Variants in SWAP70 observed in about 807,000 individuals in gnomAD.
SWAP70 encodes the protein switch-associated protein 70.
A neutral mutation model predicts 80.2 loss-of-function variants in SWAP70; 34 were observed. The ratio of observed to expected loss-of-function variants is 0.42; its 90% confidence interval spans 0.32 to 0.56. The LOEUF is 0.56. Ranked by LOEUF, SWAP70 falls within the 20% of genes least tolerant of loss-of-function variation. SWAP70 has a pLI of 0.09. For missense variants in SWAP70, 578 were observed against 690.7 expected (o/e 0.84, Z 1.83); for synonymous variants, 239 against 238.5 (o/e 1.00, Z -0.02).
At chr11:9,703,457 A>G (rs1255137495) in intron 2 of SWAP70, 1 of 456,236 alleles carries the variant, frequency 2.2e-6, no homozygotes, top group Admixed American at 2.3e-5. Flanking sequence ...CTGTAAGGCC[A>G]ACTCCGCCCA....
At chr11:9,672,132 TATA>T (rs1321716836) in intron 1 of SWAP70, among the ~76,000 whole-genome samples, 1 of 130,998 alleles carries the variant, frequency 7.6e-6, no homozygotes, top group Non-Finnish European at 1.6e-5. Context: ...GTAATTTAAA[TATA>T]ATTTAAAATA....
intron 3 of SWAP70, among the ~76,000 whole-genome samples, chr11:9,717,117 G>A (rs933075747): frequency 1.3e-5 from 2 of 152,156 alleles, no homozygotes; most frequent in Non-Finnish European, 2.9e-5. Flanking sequence ...AGGCAGTTTC[G>A]CTGTAGTGGT....
intron 6 of SWAP70, 91 bp from the exon 7 acceptor site, chr11:9,732,438 C>G: frequency 3.1e-6 from 4 of 1,306,328 alleles, no homozygotes; most frequent in Non-Finnish European, 4.3e-6. Flanking sequence ...CTCCCTGTCT[C>G]ATTTTCTTCC....
At chr11:9,715,861 C>G (rs1164023732) in intron 3 of SWAP70, among the ~76,000 whole-genome samples, 1 of 152,218 alleles carries the variant, frequency 6.6e-6, no homozygotes, top group Non-Finnish European at 1.5e-5. Flanking sequence ...TTTCCTGGAA[C>G]TGTTCTTCCT....
At chr11:9,743,567 T>C (rs1851470817) in intron 9 of SWAP70, among the ~76,000 whole-genome samples, 1 of 151,506 alleles carries the variant, frequency 6.6e-6, no homozygotes, top group Admixed American at 6.6e-5. Flanking sequence ...ACCTGTTGTT[T>C]CCTGACTTTT....
chr11:9,710,728 G>GA lies in SWAP70; in HGVS notation c.241-2738_241-2737insA, dbSNP rs576397447. ...AGTGTCTTGCCCTGTCTCCAAGGCT[G>GA]GAGTGCAGTGGCATGATCATGGCTC... On this transcript the variant is annotated intron_variant, in intron 2 of 11. Coordinates refer to ENST00000318950, the MANE Select transcript of SWAP70 (RefSeq NM_015055.4). Among the ~76,000 whole-genome samples the GA allele has an allele frequency of 2.8e-3, 417 of 150,208 alleles. 1 individual carries two copies. Among genetic ancestry groups the GA allele is most frequent in the African/African-American group, 9.6e-3 (390 of 40,786 alleles).
At chr11:9,711,370 A>C (rs2572934) in intron 2 of SWAP70, among the ~76,000 whole-genome samples, 1 of 151,770 alleles carries the variant, frequency 6.6e-6, no homozygotes, top group Non-Finnish European at 1.5e-5. Context: ...CTGTGTCCCA[A>C]GTAATGGAAA....
rs780743937 is a variant in SWAP70 at position 9,713,512 on chromosome 11, C to A, written c.287C>A (p.Thr96Asn). 2 of 1,613,720 alleles carry A rather than the reference C, an allele frequency of 1.2e-6. No individual in the cohort carries two copies. The highest frequency in any genetic ancestry group is 2.7e-5 in the African/African-American group (2 of 74,868). ...ATTGAATTCAATAGGATGTGTTGGA[C>A]CCTCTGTGTCAAAAAAAACCTCACA... ...DKIEFNRMCW[T>N]LCVKKNLTKN... is the part of the protein sequence containing the mutation. Residue 96 changes from threonine to asparagine, a missense_variant, in exon 3 of 12, where the codon ACC (threonine) becomes AAC (asparagine). By Grantham distance (65) the Thr-to-Asn change is moderately conservative. Transcript: ENST00000318950.
chr11:9,677,649 G>C (rs2134429089), intron 1 of SWAP70, among the ~76,000 whole-genome samples: 1 of 152,278 alleles, frequency 6.6e-6, no homozygotes, highest in Admixed American at 6.5e-5. Flanking sequence ...TTACTTTGCA[G>C]TTATGGTTGC....
At chr11:9,698,986 T>C (rs1850796986) in intron 2 of SWAP70, among the ~76,000 whole-genome samples, 1 of 151,302 alleles carries the variant, frequency 6.6e-6, no homozygotes, top group African/African-American at 2.5e-5. Flanking sequence ...TATCATGTGG[T>C]ACATGATCAT....
chr11:9,709,066 C>G (rs1850960088), intron 2 of SWAP70, among the ~76,000 whole-genome samples: 1 of 152,002 alleles, frequency 6.6e-6, no homozygotes, highest in Admixed American at 6.6e-5. Flanking sequence ...CCACCATACC[C>G]TACTAATTAA....
At chr11:9,678,796 A>G (rs1850533021) in intron 1 of SWAP70, among the ~76,000 whole-genome samples, 1 of 151,938 alleles carries the variant, frequency 6.6e-6, no homozygotes, top group Admixed American at 6.6e-5. Context: ...ATAGAACCTT[A>G]GTCCCATCAG....
intron 1 of SWAP70, among the ~76,000 whole-genome samples, chr11:9,669,290 C>A (rs1239078821): frequency 6.6e-6 from 1 of 152,130 alleles, no homozygotes; most frequent in Non-Finnish European, 1.5e-5. Flanking sequence ...CTCTGTTGCC[C>A]AGGGTTGAGT....
chr11:9,700,303 A>G (rs1204930740), intron 2 of SWAP70, among the ~76,000 whole-genome samples: 1 of 152,130 alleles, frequency 6.6e-6, no homozygotes, highest in South Asian at 2.1e-4. Context: ...AGCCACCTGG[A>G]GTGGAATTTT....
chr11:9,744,462 G>A (rs1851485046), intron 9 of SWAP70, among the ~76,000 whole-genome samples: 1 of 152,120 alleles, frequency 6.6e-6, no homozygotes, highest in African/African-American at 2.4e-5. Context: ...CCACTATACT[G>A]TTTTAGTTAG....
In SWAP70 at chr11:9,740,277, CTG is replaced by C; in HGVS notation, c.1286_1287del (p.Leu429ProfsTer5). 3.1e-6 allele frequency: 5 copies of C among 1,614,212 alleles called. No homozygotes were observed. Among genetic ancestry groups the C allele is most frequent in the Non-Finnish European group, 4.2e-6 (5 of 1,180,026 alleles). On this transcript the variant is annotated frameshift_variant, in exon 9 of 12. Coordinates refer to ENST00000318950, the MANE Select transcript of SWAP70 (RefSeq NM_015055.4). LOFTEE classifies it high-confidence loss of function. Reference sequence around the variant, plus strand: ...GGAGCTGGAAGACATGTACCTAAAGCTGCAGGAGGCTCTTGAAGATGAGAGAC... The same window carrying C: ...GGAGCTGGAAGACATGTACCTAAAGCCAGGAGGCTCTTGAAGATGAGAGAC... The part of the protein sequence containing the change: ...VRELEDMYLK[L>X]QEALEDERQA...
At position 9,740,143 on chromosome 11, in the gene SWAP70, T is replaced by C. The variant is rs748585847; in HGVS notation, c.1189-38T>C. The C allele has an allele frequency of 7.5e-6, 12 of 1,596,342 alleles. No homozygotes were observed. In the South Asian group the frequency reaches 1.4e-4, roughly 18 times the overall value. ...GGTGAGGCTTTCCCTGAGAAAGAAG[T>C]CAACCTGCATTTAAACAAGACCCTT... is the stretch of plus-strand genomic sequence containing the variant. On this transcript the variant is annotated intron_variant, in intron 8 of 11. Coordinates refer to ENST00000318950, the MANE Select transcript of SWAP70 (RefSeq NM_015055.4).
At chr11:9,670,947 G>A (rs1013452607) in intron 1 of SWAP70, among the ~76,000 whole-genome samples, 15 of 150,524 alleles carry the variant, frequency 1.0e-4, no homozygotes, top group Non-Finnish European at 1.0e-4. Flanking sequence ...TAGAGACGGG[G>A]TTTCACCATG....
intron 1 of SWAP70, among the ~76,000 whole-genome samples, chr11:9,672,010 ATAT>A (rs1850418566): frequency 8.5e-6 from 1 of 118,140 alleles, no homozygotes; most frequent in Admixed American, 1.0e-4. Context: ...TATAAAATAT[ATAT>A]TTTAATAATA....
Sources: gnomAD v4.1 joint callset for allele counts (sites outside exome capture counted in the v4.1 genomes callset) on GRCh38, gnomAD v4.1.1 for gene constraint, MANE v1.5 for transcripts, NCBI Gene and HGNC (gene_info 2026-07-23, HGNC 2026-07-21) for gene names.